CRACDL: variants seen among roughly 807,000 people sequenced by gnomAD.
The protein encoded by CRACDL is CRACD-like protein.
Under a neutral mutation model 70.6 loss-of-function variants are expected in CRACDL, and 26 were observed. The observed-to-expected ratio is 0.37, with a 90% CI of 0.27 to 0.51. CRACDL has a LOEUF of 0.51. Among genes scored for constraint, CRACDL ranks in the 20% least tolerant of loss-of-function variants. The pLI is 0.94. For missense variants in CRACDL, 1,283 were observed against 1,376.9 expected (o/e 0.93, Z 1.08); for synonymous variants, 618 against 615.2 (o/e 1.00, Z -0.07).
intron 7 of CRACDL, among the ~76,000 whole-genome samples, chr2:98,816,599 G>A: frequency 6.6e-6 from 1 of 152,176 alleles, no homozygotes; most frequent in East Asian, 1.9e-4. Context: ...GTCAAGGGAA[G>A]CAAGAACTCC....
At chr2:98,804,259 T>C (rs1181945484) in intron 7 of CRACDL, among the ~76,000 whole-genome samples, 5 of 152,216 alleles carry the variant, frequency 3.3e-5, no homozygotes, top group Admixed American at 6.5e-5. Context: ...GACGGTGCTG[T>C]GTCCCAGTTC....
intron 1 of CRACDL, among the ~76,000 whole-genome samples, chr2:98,865,030 G>A (rs1419676413): frequency 6.6e-6 from 1 of 152,204 alleles, no homozygotes; most frequent in East Asian, 1.9e-4. Flanking sequence ...AAGACTGGAG[G>A]TGCAGGCAGG....
chr2:98,802,823 A>G (rs963346291), intron 7 of CRACDL, among the ~76,000 whole-genome samples: 1 of 152,224 alleles, frequency 6.6e-6, no homozygotes. Flanking sequence ...CGTACAATGT[A>G]AATTCCCAGG....
chr2:98,827,195 C>T lies in CRACDL; in HGVS notation c.541-26G>A, dbSNP rs374047891. The stretch of plus-strand genomic sequence containing the variant: ...CTTCGTGGGACAAGGAACAAACACA[C>T]GGAGCATGAACTTCACCGTGTGAAA... On this transcript the variant is annotated intron_variant, in intron 5 of 9. Coordinates refer to ENST00000397899, the MANE Select transcript of CRACDL (RefSeq NM_207362.3). 8.9e-6 allele frequency: 14 copies of T among 1,564,740 alleles called. No homozygotes were observed. The East Asian group carries it at 1.1e-4, about 13-fold the overall frequency.
intron 7 of CRACDL, among the ~76,000 whole-genome samples, chr2:98,806,102 G>C (rs998256929): frequency 6.6e-6 from 1 of 152,266 alleles, no homozygotes; most frequent in South Asian, 2.1e-4. Context: ...TATCCATCAT[G>C]GGGTGGGGTG....
chr2:98,912,097 C>T (rs975909599), intron 1 of CRACDL, among the ~76,000 whole-genome samples: 1 of 152,190 alleles, frequency 6.6e-6, no homozygotes. Flanking sequence ...AAGTGCTGCT[C>T]CCCTGTTTTC....
chr2:98,830,450 A>G (rs1249782265), intron 5 of CRACDL, among the ~76,000 whole-genome samples: 1 of 152,158 alleles, frequency 6.6e-6, no homozygotes, highest in Non-Finnish European at 1.5e-5. Context: ...TACATCAAAT[A>G]CCACATATTC....
chr2:98,811,736 T>C (rs930333809), intron 7 of CRACDL, among the ~76,000 whole-genome samples: 1 of 152,122 alleles, frequency 6.6e-6, no homozygotes, highest in Non-Finnish European at 1.5e-5. Context: ...ACTGATCTAT[T>C]TGTTCTCTGT....
chr2:98,798,619 C>T (rs964360280), intron 7 of CRACDL, among the ~76,000 whole-genome samples: 2 of 151,752 alleles, frequency 1.3e-5, no homozygotes, highest in Non-Finnish European at 2.9e-5. Context: ...ATATTTTCTA[C>T]GATAAGAATT....
At chr2:98,926,949 G>A (rs1468671910) in intron 1 of CRACDL, among the ~76,000 whole-genome samples, 1 of 152,150 alleles carries the variant, frequency 6.6e-6, no homozygotes, top group Admixed American at 6.5e-5. Context: ...CAGCTAGGGC[G>A]GGTCTCCAGG....
chr2:98,805,306 C>A (rs1200498650), intron 7 of CRACDL, among the ~76,000 whole-genome samples: 1 of 152,070 alleles, frequency 6.6e-6, no homozygotes. Flanking sequence ...AAAACCCCCC[C>A]TAAGACAGGA....
chr2:98,820,029 A>G (rs1307839426), intron 7 of CRACDL, among the ~76,000 whole-genome samples: 5 of 150,980 alleles, frequency 3.3e-5, no homozygotes, highest in Non-Finnish European at 4.4e-5. Context: ...CACGTTGGCC[A>G]GGCTGGTCTT....
intron 1 of CRACDL, among the ~76,000 whole-genome samples, chr2:98,874,428 C>CCTAGCCGGGAGTCAGGAGGCTCCGCA (rs1707428404): frequency 6.6e-6 from 1 of 152,170 alleles, no homozygotes; most frequent in African/African-American, 2.4e-5. Flanking sequence ...AGGGCTATGC[C>CCTAGCCGGGAGTCAGGAGGCTCCGCA]CTAGCCGGGA....
At chr2:98,840,907 CA>C (rs1436666299) in intron 2 of CRACDL, among the ~76,000 whole-genome samples, 1 of 152,112 alleles carries the variant, frequency 6.6e-6, no homozygotes. Context: ...TGAAATGCTG[CA>C]AAATCTGAAA....
chr2:98,852,724 A>T (rs1035553707), intron 1 of CRACDL, among the ~76,000 whole-genome samples: 6 of 152,300 alleles, frequency 3.9e-5, no homozygotes, highest in Non-Finnish European at 7.3e-5. Context: ...GATTGAAGAC[A>T]TCAAAAGAAA....
intron 2 of CRACDL, among the ~76,000 whole-genome samples, chr2:98,843,933 C>T (rs1326329164): frequency 8.5e-5 from 13 of 152,112 alleles, no homozygotes; most frequent in African/African-American, 2.7e-4. Flanking sequence ...TTTACCCCTC[C>T]TCCTCCCTGT....
chr2:98,913,731 A>G (rs1708598756), intron 1 of CRACDL, among the ~76,000 whole-genome samples: 1 of 152,246 alleles, frequency 6.6e-6, no homozygotes, highest in South Asian at 2.1e-4. Context: ...ATGGCTGTGC[A>G]AGTGACCTAC....
intron 5 of CRACDL, among the ~76,000 whole-genome samples, chr2:98,828,149 G>A (rs1211257312): frequency 6.6e-5 from 10 of 152,326 alleles, no homozygotes; most frequent in Middle Eastern, 3.4e-3. Flanking sequence ...CCCTGCCCCC[G>A]AACTTGGCCA....
At chr2:98,851,875 C>G (rs1293775710) in intron 1 of CRACDL, among the ~76,000 whole-genome samples, 1 of 152,104 alleles carries the variant, frequency 6.6e-6, no homozygotes, top group Non-Finnish European at 1.5e-5. Flanking sequence ...CAGTTATGAG[C>G]AATTGAAAGC....
Sources: gnomAD v4.1 joint callset for allele counts (sites outside exome capture counted in the v4.1 genomes callset) on GRCh38, gnomAD v4.1.1 for gene constraint, MANE v1.5 for transcripts, NCBI Gene and HGNC (gene_info 2026-07-23, HGNC 2026-07-21) for gene names.